Variants in RASEF observed in about 807,000 individuals in gnomAD.
RASEF encodes ras and EF-hand domain-containing protein.
A neutral mutation model predicts 90.1 loss-of-function variants in RASEF; 68 were observed. The ratio of observed to expected loss-of-function variants is 0.75; its 90% CI spans 0.62 to 0.92. The LOEUF (loss-of-function observed/expected upper bound fraction) is 0.92, where lower values mean the gene tolerates loss of function less well. Ranked by LOEUF, RASEF falls within the 40% of genes least tolerant of loss-of-function variation. The pLI, the probability that RASEF is intolerant of heterozygous loss-of-function variation, is 0.00. For missense variants in RASEF, 949 were observed against 937.2 expected (o/e 1.01, Z -0.16); for synonymous variants, 331 against 345.2 (o/e 0.96, Z 0.46).
the RASEF span, among the ~76,000 whole-genome samples, chr9:83,068,802 T>A: frequency 6.6e-6 from 1 of 152,194 alleles, no homozygotes; most frequent in African/African-American, 2.4e-5. Flanking sequence ...GTTTGTTTTC[T>A]TAAAGAAGAA....
chr9:83,176,385 T>C, the RASEF span, among the ~76,000 whole-genome samples: 1 of 152,168 alleles, frequency 6.6e-6, no homozygotes, highest in African/African-American at 2.4e-5. Flanking sequence ...TCTTTATGTA[T>C]AGTGTGTTTC....
the RASEF span, among the ~76,000 whole-genome samples, chr9:83,092,703 G>A: frequency 6.6e-6 from 1 of 152,146 alleles, no homozygotes; most frequent in Non-Finnish European, 1.5e-5. Flanking sequence ...GCTGGCTTGG[G>A]CACCCTGCTT....
the RASEF span, among the ~76,000 whole-genome samples, chr9:83,142,743 A>G: frequency 1.3e-5 from 2 of 152,184 alleles, no homozygotes; most frequent in Admixed American, 1.3e-4. Context: ...TTCATTTTTT[A>G]AGAGAAATCA....
chr9:83,139,384 A>T, the RASEF span, among the ~76,000 whole-genome samples: 1 of 152,170 alleles, frequency 6.6e-6, no homozygotes, highest in Non-Finnish European at 1.5e-5. Flanking sequence ...CTAAAAACTT[A>T]ACTATTAATA....
chr9:83,193,662 C>T, the RASEF span, among the ~76,000 whole-genome samples: 1 of 152,084 alleles, frequency 6.6e-6, no homozygotes, highest in Non-Finnish European at 1.5e-5. Context: ...TAAATACATG[C>T]TTGTTTGTGG....
At chr9:83,100,585 G>C in the RASEF span, among the ~76,000 whole-genome samples, 1 of 152,168 alleles carries the variant, frequency 6.6e-6, no homozygotes, top group Non-Finnish European at 1.5e-5. Context: ...TATTTGGAAG[G>C]AGAAGTATAC....
At chr9:83,013,998 G>A (rs551505936) in intron 4 of RASEF, among the ~76,000 whole-genome samples, 1 of 152,300 alleles carries the variant, frequency 6.6e-6, no homozygotes, top group South Asian at 2.1e-4. Context: ...CTTTCTTACT[G>A]TTCAGACCAC....
chr9:83,085,157 C>T, the RASEF span, among the ~76,000 whole-genome samples: 2 of 152,174 alleles, frequency 1.3e-5, no homozygotes, highest in East Asian at 1.9e-4. Flanking sequence ...TATCACCATA[C>T]CCAACCACTT....
chr9:83,084,888 C>A, the RASEF span, among the ~76,000 whole-genome samples: 4 of 152,144 alleles, frequency 2.6e-5, no homozygotes, highest in Non-Finnish European at 2.9e-5. Context: ...CTATCCCTCA[C>A]TGCAAACATC....
the RASEF span, among the ~76,000 whole-genome samples, chr9:83,164,010 C>G: frequency 6.9e-6 from 1 of 145,734 alleles, no homozygotes; most frequent in Non-Finnish European, 1.5e-5. Flanking sequence ...AAAAAAAAAC[C>G]CTACCAACCT....
the RASEF span, chr9:83,201,321 G>A: frequency 6.6e-6 from 1 of 152,144 alleles, no homozygotes; most frequent in Non-Finnish European, 1.5e-5. Context: ...GCCCATCCAG[G>A]GTTCTTAGCA....
At chr9:83,156,089 G>A in the RASEF span, among the ~76,000 whole-genome samples, 1 of 152,138 alleles carries the variant, frequency 6.6e-6, no homozygotes, top group African/African-American at 2.4e-5. Flanking sequence ...ATCATATCTG[G>A]TCCAAAGAGA....
chr9:83,201,975 G>T, the RASEF span: 1 of 153,386 alleles, frequency 6.5e-6, no homozygotes, highest in South Asian at 1.8e-4. Flanking sequence ...AAAACATGGT[G>T]ACTGAGAAGT....
At chr9:83,201,438 G>A in the RASEF span, among the ~76,000 whole-genome samples, 3 of 152,306 alleles carry the variant, frequency 2.0e-5, no homozygotes, top group East Asian at 5.8e-4. Context: ...AGAGGCCTTG[G>A]TAATGGAGGA....
At chr9:83,159,420 A>G in the RASEF span, among the ~76,000 whole-genome samples, 8 of 152,308 alleles carry the variant, frequency 5.3e-5, no homozygotes, top group Admixed American at 4.6e-4. Context: ...AGTATTAAAA[A>G]CTTCAGCTTT....
At chr9:83,126,085 C>G in the RASEF span, among the ~76,000 whole-genome samples, 5 of 152,118 alleles carry the variant, frequency 3.3e-5, no homozygotes, top group African/African-American at 1.2e-4. Context: ...GCATTCATAT[C>G]CCTTGTTTCC....
the RASEF span, among the ~76,000 whole-genome samples, chr9:83,185,635 C>G: frequency 6.6e-6 from 1 of 152,034 alleles, no homozygotes; most frequent in African/African-American, 2.4e-5. Flanking sequence ...TGAATGTTCC[C>G]CAAAACACAA....
chr9:83,077,209 A>C, the RASEF span, among the ~76,000 whole-genome samples: 1 of 152,166 alleles, frequency 6.6e-6, no homozygotes, highest in East Asian at 1.9e-4. Flanking sequence ...ATGATGACAA[A>C]TAAGACTAAA....
chr9:83,018,395 A>G (rs1443149087), intron 3 of RASEF, among the ~76,000 whole-genome samples: 1 of 152,180 alleles, frequency 6.6e-6, no homozygotes, highest in African/African-American at 2.4e-5. Context: ...TGACATACTG[A>G]GTATATCTAA....
Sources: gnomAD v4.1 joint callset for allele counts (sites outside exome capture counted in the v4.1 genomes callset) on GRCh38, gnomAD v4.1.1 for gene constraint, MANE v1.5 for transcripts, NCBI Gene and HGNC (gene_info 2026-07-23, HGNC 2026-07-21) for gene names.